Variants in CNTNAP4 observed in about 807,000 individuals in gnomAD.
The protein encoded by CNTNAP4 is contactin associated protein family member 4.
In CNTNAP4, 98 loss-of-function variants were observed where a neutral mutation model predicts 148.4. The observed-to-expected ratio is 0.66, with a 90% CI of 0.56 to 0.78. CNTNAP4 has a LOEUF of 0.78. Among genes scored for constraint, CNTNAP4 ranks in the 30% least tolerant of loss-of-function variants. The probability of loss-of-function intolerance (pLI) is 0.00; values close to 1 mark genes in which losing one functional copy is unlikely to be tolerated. For synonymous variants in CNTNAP4, 730 were observed against 565.1 expected, an observed-to-expected ratio of 1.29 and a Z score of -4.14; for missense variants, 1,935 against 1,565.6, an observed-to-expected ratio of 1.24 and a Z score of -3.98.
intron 15 of CNTNAP4, among the ~76,000 whole-genome samples, chr16:76,519,079 A>G (rs1015879049): frequency 6.4e-4 from 97 of 152,260 alleles, no homozygotes; most frequent in African/African-American, 2.3e-3. Flanking sequence ...CTGGGATACC[A>G]CATGCCATTA....
intron 2 of CNTNAP4, among the ~76,000 whole-genome samples, chr16:76,347,137 T>TTGTGTGTGTGTGTG (rs56664519): frequency 4.0e-5 from 6 of 149,450 alleles, no homozygotes; most frequent in African/African-American, 9.9e-5. Flanking sequence ...AGGCAATTGG[T>TTGTGTGTGTGTGTG]TGTGTGTGTG....
At chr16:76,429,752 C>T (rs1293511466) in intron 4 of CNTNAP4, among the ~76,000 whole-genome samples, 3 of 152,278 alleles carry the variant, frequency 2.0e-5, no homozygotes, top group South Asian at 2.1e-4. Context: ...TGATCTGCAG[C>T]TCTCTGGAAT....
At chr16:76,472,918 G>C (rs1189906013) in intron 10 of CNTNAP4, among the ~76,000 whole-genome samples, 1 of 151,878 alleles carries the variant, frequency 6.6e-6, no homozygotes, top group African/African-American at 2.4e-5. Context: ...AAGTTTACCT[G>C]GTAACAAACC....
chr16:76,495,518 A>T (rs1268175400), intron 14 of CNTNAP4, among the ~76,000 whole-genome samples: 1 of 152,058 alleles, frequency 6.6e-6, no homozygotes, highest in Non-Finnish European at 1.5e-5. Context: ...ACCACAAAGA[A>T]CTAATGTTCT....
intron 4 of CNTNAP4, among the ~76,000 whole-genome samples, chr16:76,436,142 C>T (rs544891478): frequency 6.6e-6 from 1 of 152,192 alleles, no homozygotes; most frequent in South Asian, 2.1e-4. Flanking sequence ...TGGCAACTGC[C>T]TCAGGGGAGG....
intron 3 of CNTNAP4, among the ~76,000 whole-genome samples, chr16:76,397,296 G>A (rs939270788): frequency 6.6e-6 from 1 of 152,112 alleles, no homozygotes; most frequent in African/African-American, 2.4e-5. Flanking sequence ...ACTGAGAAAA[G>A]TTGTGGGGTA....
rs1310971255 is a variant in CNTNAP4 at position 76,392,330 on chromosome 16, A to T, written c.391-35122A>T. Reference sequence around the variant, plus strand: ...GTTTTAAATGGAGAGTTACGTTAGGAAAATGTTCCTAAACATAACACACCC... The same window carrying T: ...GTTTTAAATGGAGAGTTACGTTAGGTAAATGTTCCTAAACATAACACACCC... On this transcript the variant is annotated intron_variant, in intron 3 of 23. Transcript: ENST00000611870. 3.3e-5 allele frequency among the ~76,000 whole-genome samples: 5 copies of T among 152,154 alleles called. No individual in the cohort carries two copies. The East Asian group carries it at 9.7e-4, about 29-fold the overall frequency.
rs1950703825 is a variant in CNTNAP4 at position 76,368,126 on chromosome 16, ACATACCAGCAGGATAT to A, written c.390+12617_390+12632del. Among the ~76,000 whole-genome samples the A allele has an allele frequency of 2.0e-5, 3 of 152,200 alleles. No individual in the cohort carries two copies. The South Asian group carries it at 6.2e-4, about 32-fold the overall frequency. ...GTACAGGTTTTTAGTTCAGTACAAA[ACATACCAGCAGGATAT>A]CCATTCATCTTAGATTCTCCTGCAC... On this transcript the variant is annotated intron_variant, in intron 3 of 23. Coordinates refer to ENST00000611870, the MANE Select transcript of CNTNAP4 (RefSeq NM_033401.5).
chr16:76,298,931 A>G (rs559683489), intron 1 of CNTNAP4, among the ~76,000 whole-genome samples: 1 of 152,260 alleles, frequency 6.6e-6, no homozygotes, highest in East Asian at 1.9e-4. Flanking sequence ...AATGATTGTG[A>G]CTTGATGTTC....
Position 76,360,438 on chromosome 16 carries a change from A to G in CNTNAP4, c.390+4927A>G, listed in dbSNP as rs533422879. 3.3e-5 allele frequency among the ~76,000 whole-genome samples: 5 copies of G among 152,330 alleles called. No individual in the cohort carries two copies. In the South Asian group the frequency reaches 1.0e-3, roughly 32 times the overall value. ...GAGGCAGAAGTGCAAAAGAGATATA[A>G]GCTGTAGGGTAGGTGACTCTCCTCC... On this transcript the variant is annotated intron_variant, in intron 3 of 23. Coordinates refer to ENST00000611870, the MANE Select transcript of CNTNAP4 (RefSeq NM_033401.5).
At chr16:76,279,304 A>G (rs1190994050) in intron 1 of CNTNAP4, among the ~76,000 whole-genome samples, 2 of 152,224 alleles carry the variant, frequency 1.3e-5, no homozygotes, top group African/African-American at 2.4e-5. Flanking sequence ...CAGTCTTTCC[A>G]CTAGACTGCC....
intron 9 of CNTNAP4, among the ~76,000 whole-genome samples, chr16:76,464,715 A>G (rs1047852327): frequency 3.9e-5 from 6 of 152,102 alleles, no homozygotes; most frequent in African/African-American, 1.2e-4. Flanking sequence ...AGTGGCTGTC[A>G]TATTGGGAGA....
At chr16:76,527,104 CAA>C (rs1371607779) in intron 17 of CNTNAP4, among the ~76,000 whole-genome samples, 1 of 152,144 alleles carries the variant, frequency 6.6e-6, no homozygotes, top group Non-Finnish European at 1.5e-5. Context: ...TGCCAGGCTG[CAA>C]AGAGTCTCTG....
intron 17 of CNTNAP4, among the ~76,000 whole-genome samples, chr16:76,524,168 A>T (rs890979444): frequency 6.6e-6 from 1 of 152,222 alleles, no homozygotes; most frequent in African/African-American, 2.4e-5. Context: ...CAAATATTTA[A>T]TGAATAGCTT....
At chr16:76,493,267 G>T (rs2082289413) in intron 13 of CNTNAP4, among the ~76,000 whole-genome samples, 1 of 152,144 alleles carries the variant, frequency 6.6e-6, no homozygotes, top group East Asian at 1.9e-4. Flanking sequence ...GATGCCATAT[G>T]TGAATGAATA....
At chr16:76,356,196 T>A (rs1159990648) in intron 3 of CNTNAP4, among the ~76,000 whole-genome samples, 1 of 152,144 alleles carries the variant, frequency 6.6e-6, no homozygotes, top group East Asian at 1.9e-4. Flanking sequence ...TATTTACAAT[T>A]AGTCAAAATA....
At chr16:76,390,886 A>T (rs995647071) in intron 3 of CNTNAP4, among the ~76,000 whole-genome samples, 17 of 152,020 alleles carry the variant, frequency 1.1e-4, no homozygotes, top group Non-Finnish European at 2.1e-4. Flanking sequence ...TTTTGTGGGT[A>T]CATAATTGGT....
At chr16:76,410,444 C>A (rs1249021546) in intron 3 of CNTNAP4, among the ~76,000 whole-genome samples, 1 of 151,630 alleles carries the variant, frequency 6.6e-6, no homozygotes, top group African/African-American at 2.4e-5. Flanking sequence ...GTATGTGAGC[C>A]ATTTACTGGT....
chr16:76,476,205 G>C (rs369612234), intron 11 of CNTNAP4, among the ~76,000 whole-genome samples, 160 bp downstream of exon 11: 40 of 152,242 alleles, frequency 2.6e-4, no homozygotes, highest in African/African-American at 8.9e-4. Flanking sequence ...GCCTATAAAA[G>C]TACATAATAT....
Sources: gnomAD v4.1 joint callset for allele counts (sites outside exome capture counted in the v4.1 genomes callset) on GRCh38, gnomAD v4.1.1 for gene constraint, MANE v1.5 for transcripts, NCBI Gene and HGNC (gene_info 2026-07-23, HGNC 2026-07-21) for gene names.